Variants in DUSP7 observed in about 807,000 individuals in gnomAD.
The protein encoded by DUSP7 is dual specificity phosphatase 7, also known as dual specificity protein phosphatase 7.
A neutral mutation model predicts 29.8 loss-of-function variants in DUSP7; 7 were observed. The ratio of observed to expected loss-of-function variants is 0.24; its 90% CI spans 0.13 to 0.44. The LOEUF (loss-of-function observed/expected upper bound fraction) is 0.44, where lower values mean the gene tolerates loss of function less well. DUSP7 is among the 20% of genes least tolerant of loss of function. The pLI, the probability that DUSP7 is intolerant of heterozygous loss-of-function variation, is 1.00. For missense variants in DUSP7, 400 were observed against 583.7 expected, an observed-to-expected ratio of 0.69 and a Z score of 3.24; for synonymous variants, 287 against 275.4, an observed-to-expected ratio of 1.04 and a Z score of -0.42.
At position 52,050,893 on chromosome 3, in the gene DUSP7, G is replaced by A. The variant is rs756779030; in HGVS notation, c.1182C>T (p.His394=). ...TLGLSSPCDN[H]ASSEQLYFST... is the part of the protein sequence containing the mutation. ...AAAAGTAGAGCTGCTCACTCGACGC[G>A]TGGTTGTCGCACGGGCTGCTTAGCC... Residue 394 remains histidine (H), a synonymous_variant, in exon 3 of 3, where the codon CAC becomes CAT. Transcript: ENST00000495880. This position sits in a 1 kb window ranked among gnomAD's most constrained non-coding sequence, Gnocchi z 5.0. 56 of 1,614,150 alleles carry A rather than the reference G, an allele frequency of 3.5e-5. No homozygotes were observed. The South Asian group carries it at 3.7e-4, about 11-fold the overall frequency.
At position 52,056,163 on chromosome 3, in the gene DUSP7, G is replaced by A. The variant is rs1346046122; in HGVS notation, c.204C>T (p.Gly68=). Residue 68 remains glycine (G), a synonymous_variant, in exon 1 of 3, where the codon GGC becomes GGT. Coordinates refer to ENST00000495880, the MANE Select transcript of DUSP7 (RefSeq NM_001947.4). The surrounding 1 kb of genome is among the most constrained non-coding windows in gnomAD (Gnocchi z 6.4). ...EWLQEELEAR[G]GASLLLLDCR... ...AGTCGAGCAGCAGCAAGGACGCGCC[G>A]CCGCGCGCCTCCAGCTCCTCCTGCA... The A allele has an allele frequency of 1.3e-6, 2 of 1,591,034 alleles. No homozygotes were observed. Among genetic ancestry groups the A allele is most frequent in the Non-Finnish European group, 8.5e-7 (1 of 1,174,812 alleles).
At position 52,054,392 on chromosome 3, in the gene DUSP7, C is replaced by T; in HGVS notation, c.518-18G>A. The T allele has an allele frequency of 6.6e-7, 1 of 1,519,936 alleles. No homozygotes were observed. Among genetic ancestry groups the T allele is most frequent in the Non-Finnish European group, 8.8e-7 (1 of 1,134,846 alleles). 94.2% of individuals were successfully genotyped at this position (1,519,936 alleles called of 1,614,324 possible). On this transcript the variant is annotated intron_variant, in intron 1 of 2. Transcript: ENST00000495880. The surrounding 1 kb of genome is among the most constrained non-coding windows in gnomAD (Gnocchi z 4.1). Reference sequence around the variant, plus strand: ...GAAACCACCTGTGTCCAGGGTGAGACAGGGCCTGGGTGAGAGGCTGGTGAG... The same window carrying T: ...GAAACCACCTGTGTCCAGGGTGAGATAGGGCCTGGGTGAGAGGCTGGTGAG...
At position 52,049,804 on chromosome 3, in the gene DUSP7, G is replaced by A. The variant is rs1346287276; in HGVS notation, c.*1011C>T. ...AGGAAGAGAGAGAGACAGACAGACAGACAGAAGTAGTGGCTAAGTATATAA... is the reference window on the plus strand; with the variant it reads ...AGGAAGAGAGAGAGACAGACAGACAAACAGAAGTAGTGGCTAAGTATATAA... On this transcript the variant is annotated 3_prime_UTR_variant, in exon 3 of 3. Transcript: ENST00000495880. 1 of 152,210 alleles carries A rather than the reference G, an allele frequency of 6.6e-6. No individual in the cohort carries two copies. The highest frequency in any genetic ancestry group is 2.4e-5 in the African/African-American group (1 of 41,446). The allele number at this position is 152,210 out of a possible 1,614,324, so 9.4% of individuals were successfully genotyped here. A position where few individuals can be genotyped will look rare whatever the true frequency, so the allele number is the denominator to read the frequency against.
In DUSP7 at chr3:52,054,340, C is replaced by T. The variant is rs746747887; in HGVS notation, c.552G>A (p.Glu184=). The change falls in exon 2 of 3, where the codon GAG becomes GAA. Residue 184 remains glutamate, a synonymous_variant. Coordinates refer to ENST00000495880, the MANE Select transcript of DUSP7 (RefSeq NM_001947.4). The surrounding 1 kb of genome is among the most constrained non-coding windows in gnomAD (Gnocchi z 4.1). ...AGCTGTCCACGTTGGTCTCGCAGTG[C>T]TCAGAGTACTCTGTTTGAAACTTGT... ...GFNKFQTEYS[E]HCETNVDSSS... 4 of 1,540,762 alleles carry T rather than the reference C, an allele frequency of 2.6e-6. No homozygotes were observed. The Admixed American group carries it at 8.0e-5, about 31-fold the overall frequency.
Position 52,054,311 on chromosome 3 carries a change from G to A in DUSP7, c.581C>T (p.Ser194Phe), listed in dbSNP as rs764525808. 2.7e-5 allele frequency: 42 copies of A among 1,580,880 alleles called. No homozygotes were observed. Among genetic ancestry groups the A allele is most frequent in the Non-Finnish European group, 3.6e-5 (42 of 1,162,556 alleles). ...EHCETNVDSS[S>F]SPSSSPPTSV... ...GGTGGGTGGCGAGCTGCTCGGCGAG[G>A]AAGAGCTGTCCACGTTGGTCTCGCA... Residue 194 changes from serine to phenylalanine, a missense_variant, in exon 2 of 3, where the codon TCC becomes TTC. By Grantham distance (155) the Ser-to-Phe change is radical. Around this residue, in one of 4 missense-constraint regions of DUSP7, gnomAD observed 223 missense variants for 360.9 expected, o/e 0.62. Transcript: ENST00000495880. The surrounding 1 kb of genome is among the most constrained non-coding windows in gnomAD (Gnocchi z 4.1).
rs929420112 is a variant in DUSP7, at chr3:52,050,657, G to A, written c.*158C>T. ...CTTGCCTGCGGGCCCTGCCCCCAAG[G>A]ATGGTGAGGGGCGCTCCGACACCGA... On this transcript the variant is annotated 3_prime_UTR_variant, in exon 3 of 3. Coordinates refer to ENST00000495880, the MANE Select transcript of DUSP7 (RefSeq NM_001947.4). The surrounding 1 kb of genome is among the most constrained non-coding windows in gnomAD (Gnocchi z 5.0). 3.5e-6 allele frequency: 3 copies of A among 867,504 alleles called. No individual in the cohort carries two copies. Among genetic ancestry groups the A allele is most frequent in the Non-Finnish European group, 5.1e-6 (3 of 583,030 alleles). 53.7% of individuals were successfully genotyped at this position (867,504 alleles called of 1,614,324 possible). A position where few individuals can be genotyped will look rare whatever the true frequency, so the allele number is the denominator to read the frequency against.
In DUSP7 at chr3:52,053,754, A is replaced by G. The variant is rs1000876973; in HGVS notation, c.952+186T>C. On this transcript the variant is annotated intron_variant, in intron 2 of 2. Transcript: ENST00000495880. The surrounding 1 kb of genome is among the most constrained non-coding windows in gnomAD (Gnocchi z 4.6). ...GGAGACTGCTCAGGCCCCAACAGGT[A>G]GAGGGGCCCAAGGGACTCGGTGACT... 38 of 636,534 alleles carry G rather than the reference A, an allele frequency of 6.0e-5. No individual in the cohort carries two copies. The highest frequency in any genetic ancestry group is 5.1e-4 in the Admixed American group (18 of 35,620). 39.4% of individuals were successfully genotyped at this position (636,534 alleles called of 1,614,324 possible). A position where few individuals can be genotyped will look rare whatever the true frequency, so the allele number is the denominator to read the frequency against.
In DUSP7 at chr3:52,054,443, G is replaced by T; in HGVS notation, c.518-69C>A. The stretch of plus-strand genomic sequence containing the variant: ...AGCCCAGATGGGCTGCACAAGACCA[G>T]AGATGGCCAGGACTCTGCACGCCAA... On this transcript the variant is annotated intron_variant, in intron 1 of 2. Transcript: ENST00000495880. The surrounding 1 kb of genome is among the most constrained non-coding windows in gnomAD (Gnocchi z 4.1). The T allele has an allele frequency of 7.3e-7, 1 of 1,364,092 alleles. No homozygotes were observed. The highest frequency in any genetic ancestry group is 9.9e-7 in the Non-Finnish European group (1 of 1,005,268). The allele number at this position is 1,364,092 out of a possible 1,614,324, so 84.5% of individuals were successfully genotyped here.
rs1016655124 is a variant in DUSP7, at chr3:52,055,982, T to C, written c.385A>G (p.Lys129Glu). The change falls in exon 1 of 3, where the codon AAG (lysine) becomes GAG (glutamate). Residue 129 changes from lysine (K) to glutamate (E), a missense_variant. By Grantham distance (56) the Lys-to-Glu change is moderately conservative. Transcript: ENST00000495880. ...TCGTAGAGCAGCACGGTGGCCGCCT[T>C]GCAGCGCGTGGCGAAGCGCTCCTTG... ...ADKERFATRC[K>E]AATVLLYDEA... is the part of the protein sequence containing the mutation. 5 of 1,579,436 alleles carry C rather than the reference T, an allele frequency of 3.2e-6. No individual in the cohort carries two copies. The highest frequency in any genetic ancestry group is 1.7e-4 in the Middle Eastern group (1 of 6,036).
At chr3:52,052,249 A>T (rs1701854932) in intron 2 of DUSP7, 1 of 152,262 alleles carries the variant, frequency 6.6e-6, no homozygotes, top group Non-Finnish European at 1.5e-5. Context: ...CCAGGCACAC[A>T]GCTAGCACGC....
At position 52,054,250 on chromosome 3, in the gene DUSP7, A is replaced by C; in HGVS notation, c.642T>G (p.Ser214=). ...VLGLGGLRIS[S]DCSDGESDRE... is the part of the protein sequence containing the mutation. ...GGTCCGACTCGCCGTCGGAGCAGTC[A>C]GAGCTGATGCGCAGGCCCCCCAGGC... The change falls in exon 2 of 3, where the codon TCT becomes TCG. Residue 214 remains serine, a synonymous_variant. Transcript: ENST00000495880. The surrounding 1 kb of genome is among the most constrained non-coding windows in gnomAD (Gnocchi z 4.1). 1 of 1,608,358 alleles carries C rather than the reference A, an allele frequency of 6.2e-7. No homozygotes were observed.
rs1052485482 is a variant in DUSP7, at chr3:52,056,253, G to A, written c.114C>T (p.Gly38=). Residue 38 remains glycine (G), a synonymous_variant, in exon 1 of 3, where the codon GGC becomes GGT. Coordinates refer to ENST00000495880, the MANE Select transcript of DUSP7 (RefSeq NM_001947.4). This position sits in a 1 kb window ranked among gnomAD's most constrained non-coding sequence, Gnocchi z 6.4. The stretch of plus-strand genomic sequence containing the variant: ...TCGCCGCGCCCGCCCCGGTGCCTGC[G>A]CCGGACCCCGACCCCGCACCGGGCT... ...GSEPGAGSGS[G]AGTGAGAATG... is the part of the protein sequence containing the mutation. The A allele has an allele frequency of 7.3e-7, 1 of 1,365,284 alleles. No homozygotes were observed. Among genetic ancestry groups the A allele is most frequent in the Non-Finnish European group, 9.4e-7 (1 of 1,066,052 alleles). The allele number at this position is 1,365,284 out of a possible 1,614,324, so 84.6% of individuals were successfully genotyped here. A position where few individuals can be genotyped will look rare whatever the true frequency, so the allele number is the denominator to read the frequency against.
At position 52,051,335 on chromosome 3, in the gene DUSP7, C is replaced by T. The variant is rs1208264076; in HGVS notation, c.953-213G>A. Among the ~76,000 whole-genome samples, 2 of 152,198 alleles carry T rather than the reference C, an allele frequency of 1.3e-5. No homozygotes were observed. The highest frequency in any genetic ancestry group is 2.9e-5 in the Non-Finnish European group (2 of 68,030). ...TGGAGAGGGCTCTGCACACTTTAGC[C>T]CCAAGGCACTGGACACCCGTGTCTG... On this transcript the variant is annotated intron_variant, in intron 2 of 2. Coordinates refer to ENST00000495880, the MANE Select transcript of DUSP7 (RefSeq NM_001947.4). This position sits in a 1 kb window ranked among gnomAD's most constrained non-coding sequence, Gnocchi z 4.8.
Position 52,053,729 on chromosome 3 carries a change from G to GGAGACTGCTCAGGCCCCAA in DUSP7, c.952+192_952+210dup. On this transcript the variant is annotated intron_variant, in intron 2 of 2. Transcript: ENST00000495880. The surrounding 1 kb of genome is among the most constrained non-coding windows in gnomAD (Gnocchi z 4.6). ...TCAGCTAGGGGGAGCTCAGGACTCA[G>GGAGACTGCTCAGGCCCCAA]GAGACTGCTCAGGCCCCAACAGGTA... 1 of 595,198 alleles carries GGAGACTGCTCAGGCCCCAA rather than the reference G, an allele frequency of 1.7e-6. No individual in the cohort carries two copies. Among genetic ancestry groups the GGAGACTGCTCAGGCCCCAA allele is most frequent in the South Asian group, 2.0e-5 (1 of 50,498 alleles). 36.9% of individuals were successfully genotyped at this position (595,198 alleles called of 1,614,324 possible).
chr3:52,056,170 G>A lies in DUSP7; in HGVS notation c.197C>T (p.Ala66Val). 6.3e-7 allele frequency: 1 copy of A among 1,588,012 alleles called. No homozygotes were observed. The highest frequency in any genetic ancestry group is 8.5e-7 in the Non-Finnish European group (1 of 1,173,858). ...CAGCAGCAAGGACGCGCCGCCGCGCGCCTCCAGCTCCTCCTGCAGCCACTC... is the reference window on the plus strand; with the variant it reads ...CAGCAGCAAGGACGCGCCGCCGCGCACCTCCAGCTCCTCCTGCAGCCACTC... Reference protein sequence around the residue: ...SAEWLQEELEARGGASLLLLD... With the variant: ...SAEWLQEELEVRGGASLLLLD... The change falls in exon 1 of 3, where the codon GCG becomes GTG. Residue 66 changes from alanine (A) to valine (V), a missense_variant. Transcript: ENST00000495880. The surrounding 1 kb of genome is among the most constrained non-coding windows in gnomAD (Gnocchi z 6.4).
Position 52,056,198 on chromosome 3 carries a change from C to A in DUSP7, c.169G>T (p.Ala57Ser). 1.9e-6 allele frequency: 3 copies of A among 1,554,656 alleles called. No individual in the cohort carries two copies. Among genetic ancestry groups the A allele is most frequent in the African/African-American group, 1.4e-5 (1 of 74,018 alleles). Residue 57 changes from alanine (A) to serine (S), a missense_variant, in exon 1 of 3, where the codon GCC becomes TCC. Transcript: ENST00000495880. The surrounding 1 kb of genome is among the most constrained non-coding windows in gnomAD (Gnocchi z 6.4). Reference sequence around the variant, plus strand: ...TCCAGCTCCTCCTGCAGCCACTCGGCGCTCTTGCAGGGCATGGCCCCTGCC... The same window carrying A: ...TCCAGCTCCTCCTGCAGCCACTCGGAGCTCTTGCAGGGCATGGCCCCTGCC... ...TGAGAMPCKS[A>S]EWLQEELEAR... is the part of the protein sequence containing the mutation.
rs1485518203 is a variant in DUSP7, at chr3:52,056,443, C to G, written c.-77G>C. 3.0e-5 allele frequency: 25 copies of G among 825,124 alleles called. No homozygotes were observed. The highest frequency in any genetic ancestry group is 3.1e-5 in the Non-Finnish European group (21 of 686,192). The allele number at this position is 825,124 out of a possible 1,614,324, so 51.1% of individuals were successfully genotyped here. A position where few individuals can be genotyped will look rare whatever the true frequency, so the allele number is the denominator to read the frequency against. The stretch of plus-strand genomic sequence containing the variant: ...GCGCCCCGGCCGCGCGGGCCCCAGC[C>G]GCGTCTCCGGGCGCCCGCCTCCCGC... On this transcript the variant is annotated 5_prime_UTR_variant, in exon 1 of 3. Coordinates refer to ENST00000495880, the MANE Select transcript of DUSP7 (RefSeq NM_001947.4). The surrounding 1 kb of genome is among the most constrained non-coding windows in gnomAD (Gnocchi z 6.4).
intron 1 of DUSP7, among the ~76,000 whole-genome samples, chr3:52,055,451 T>C (rs1021237857): frequency 5.9e-5 from 9 of 152,178 alleles, no homozygotes; most frequent in Non-Finnish European, 1.0e-4. Flanking sequence ...AAAGGTGCCC[T>C]TCCTGATCCT....
Position 52,053,745 on chromosome 3 carries a change from C to A in DUSP7, c.952+195G>T. On this transcript the variant is annotated intron_variant, in intron 2 of 2. Transcript: ENST00000495880. The surrounding 1 kb of genome is among the most constrained non-coding windows in gnomAD (Gnocchi z 4.6). ...CAGGACTCAGGAGACTGCTCAGGCC[C>A]CAACAGGTAGAGGGGCCCAAGGGAC... 1 of 624,864 alleles carries A rather than the reference C, an allele frequency of 1.6e-6. No homozygotes were observed. Among genetic ancestry groups the A allele is most frequent in the Non-Finnish European group, 2.8e-6 (1 of 358,146 alleles). 38.7% of individuals were successfully genotyped at this position (624,864 alleles called of 1,614,324 possible).
Sources: allele counts gnomAD v4.1 joint callset (sites outside exome capture counted in the v4.1 genomes callset), GRCh38; gene constraint gnomAD v4.1.1; regional missense constraint gnomAD v4.1.1; non-coding constraint Gnocchi (gnomAD v3.1); transcripts MANE v1.5; gene names NCBI Gene and HGNC (gene_info 2026-07-23, HGNC 2026-07-21).